NOS1AP: variants seen among roughly 807,000 people sequenced by gnomAD.
NOS1AP encodes nitric oxide synthase 1 adaptor protein.
A neutral mutation model predicts 56.2 loss-of-function variants in NOS1AP; 21 were observed. The ratio of observed to expected loss-of-function variants is 0.37; its 90% confidence interval spans 0.26 to 0.54. NOS1AP has a LOEUF of 0.54. Among genes scored for constraint, NOS1AP ranks in the 20% least tolerant of loss-of-function variants. The probability of loss-of-function intolerance (pLI) is 0.84; values close to 1 mark genes in which losing one functional copy is unlikely to be tolerated. For missense variants in NOS1AP, 522 were observed against 657.8 expected, an observed-to-expected ratio of 0.79 and a Z score of 2.26; for synonymous variants, 270 against 274.6, an observed-to-expected ratio of 0.98 and a Z score of 0.17.
chr1:162,144,099 C>T (rs893337872), intron 1 of NOS1AP, among the ~76,000 whole-genome samples: 12 of 152,198 alleles, frequency 7.9e-5, no homozygotes, highest in Non-Finnish European at 1.6e-4. Flanking sequence ...GATCCCCGTC[C>T]ATTCCTTGTA....
At chr1:162,296,337 A>G (rs1655461975) in intron 3 of NOS1AP, among the ~76,000 whole-genome samples, 1 of 152,178 alleles carries the variant, frequency 6.6e-6, no homozygotes, top group Non-Finnish European at 1.5e-5. Context: ...GAATAACCAA[A>G]ACATTGGTGA....
chr1:162,265,779 T>C (rs1295324097), intron 2 of NOS1AP, among the ~76,000 whole-genome samples: 3 of 152,194 alleles, frequency 2.0e-5, no homozygotes, highest in African/African-American at 7.2e-5. Context: ...GTGACTATAT[T>C]ACTGTTAGGC....
At chr1:162,104,173 T>A (rs1281804464) in intron 1 of NOS1AP, among the ~76,000 whole-genome samples, 1 of 152,206 alleles carries the variant, frequency 6.6e-6, no homozygotes, top group Non-Finnish European at 1.5e-5. Context: ...TGAAGCTTAG[T>A]TTGGCTGGAT....
At chr1:162,104,513 G>T (rs1194780319) in intron 1 of NOS1AP, among the ~76,000 whole-genome samples, 1 of 151,666 alleles carries the variant, frequency 6.6e-6, no homozygotes, top group Non-Finnish European at 1.5e-5. Context: ...TTCCAGCTTG[G>T]TTCCTTTTTT....
chr1:162,314,105 A>G (rs1481531327), intron 4 of NOS1AP, among the ~76,000 whole-genome samples: 2 of 152,218 alleles, frequency 1.3e-5, no homozygotes, highest in African/African-American at 2.4e-5. Flanking sequence ...CAAAAAGGCT[A>G]CTAAGCTGAT....
intron 2 of NOS1AP, among the ~76,000 whole-genome samples, chr1:162,286,699 A>C (rs1015522391): frequency 2.0e-5 from 3 of 152,112 alleles, no homozygotes; most frequent in African/African-American, 7.2e-5. Context: ...GTCACTATAT[A>C]CCCCATGAAT....
chr1:162,360,419 G>C, intron 8 of NOS1AP: 1 of 175,856 alleles, frequency 5.7e-6, no homozygotes, highest in Non-Finnish European at 1.2e-5. Flanking sequence ...GCATGGCCAT[G>C]GGCTGGGCCG....
intron 2 of NOS1AP, among the ~76,000 whole-genome samples, chr1:162,214,055 A>T (rs916153274): frequency 6.6e-6 from 1 of 152,224 alleles, no homozygotes; most frequent in African/African-American, 2.4e-5. Context: ...CAAGGGCTTA[A>T]GGCTTCTCAG....
At chr1:162,082,647 G>C (rs1371411121) in intron 1 of NOS1AP, among the ~76,000 whole-genome samples, 2 of 152,088 alleles carry the variant, frequency 1.3e-5, no homozygotes, top group African/African-American at 4.8e-5. Context: ...GGTGTTAGAT[G>C]GTATCTCATT....
intron 1 of NOS1AP, among the ~76,000 whole-genome samples, chr1:162,102,058 CA>C (rs1647296950): frequency 6.6e-6 from 1 of 152,092 alleles, no homozygotes; most frequent in Admixed American, 6.6e-5. Flanking sequence ...TTTTGCCATT[CA>C]ATATGATATT....
chr1:162,151,196 C>A (rs1649690616), intron 1 of NOS1AP, among the ~76,000 whole-genome samples: 1 of 152,180 alleles, frequency 6.6e-6, no homozygotes. Flanking sequence ...CCAGTTTTCC[C>A]AGCACCATTT....
intron 2 of NOS1AP, among the ~76,000 whole-genome samples, chr1:162,251,066 T>TTTTGTTTGTTTG (rs57225935): frequency 5.3e-5 from 8 of 151,144 alleles, no homozygotes; most frequent in African/African-American, 1.9e-4. Flanking sequence ...TCCTGAGCTT[T>TTTTGTTTGTTTG]TTTGTTTGTT....
intron 2 of NOS1AP, among the ~76,000 whole-genome samples, chr1:162,283,295 G>A (rs12119461): frequency 0.029 from 4,405 of 152,118 alleles, 104 homozygotes; most frequent in Admixed American, 0.045. Context: ...CCTTCCCCTG[G>A]ACTCTGAGGA....
chr1:162,355,078 C>T, intron 6 of NOS1AP, 109 bp from the exon 7 acceptor site: 1 of 1,210,094 alleles, frequency 8.3e-7, no homozygotes, highest in Non-Finnish European at 1.2e-6. Flanking sequence ...TGTTACAAAG[C>T]CAGTGGCATC....
intron 3 of NOS1AP, among the ~76,000 whole-genome samples, chr1:162,287,711 C>T (rs1655134817): frequency 6.7e-6 from 1 of 150,148 alleles, no homozygotes; most frequent in Non-Finnish European, 1.5e-5. Flanking sequence ...TCCCCATTTT[C>T]ATACCTTTAT....
intron 1 of NOS1AP, among the ~76,000 whole-genome samples, chr1:162,084,558 C>T (rs1157601949): frequency 6.6e-6 from 1 of 152,134 alleles, no homozygotes; most frequent in Non-Finnish European, 1.5e-5. Context: ...TTCCAGCTTC[C>T]CATTTGGTGT....
chr1:162,272,501 G>A lies in NOS1AP; in HGVS notation c.178-14843G>A, dbSNP rs1016817315. ...AACTCACCCAGAGAGGCAGCAACAC[G>A]AAAAGATGAATTGATAGAGATGACG... On this transcript the variant is annotated intron_variant, in intron 2 of 9. Transcript: ENST00000361897. Among the ~76,000 whole-genome samples the A allele has an allele frequency of 3.3e-5, 5 of 152,310 alleles. No homozygotes were observed. The South Asian group carries it at 8.3e-4, about 25-fold the overall frequency.
intron 2 of NOS1AP, among the ~76,000 whole-genome samples, chr1:162,218,725 C>T (rs12403364): frequency 0.54 from 82,063 of 151,876 alleles, 23,295 homozygotes; most frequent in Non-Finnish European, 0.65. Flanking sequence ...CCTATTAGAG[C>T]GGAGGAGGGT....
chr1:162,223,485 G>A (rs928894925), intron 2 of NOS1AP, among the ~76,000 whole-genome samples: 1 of 152,154 alleles, frequency 6.6e-6, no homozygotes, highest in Non-Finnish European at 1.5e-5. Context: ...GGCTTCTGGG[G>A]TCAAGCTGAG....
Sources: gnomAD v4.1 joint callset for allele counts (sites outside exome capture counted in the v4.1 genomes callset) on GRCh38, gnomAD v4.1.1 for gene constraint, MANE v1.5 for transcripts, NCBI Gene and HGNC (gene_info 2026-07-23, HGNC 2026-07-21) for gene names.